Variants in GNB1 observed in about 807,000 individuals in gnomAD.
GNB1 encodes G protein subunit beta 1.
Under a neutral mutation model 42.9 loss-of-function variants are expected in GNB1, and 2 were observed. That is an observed-to-expected ratio of 0.05 (90% CI 0.02 to 0.15). The LOEUF (loss-of-function observed/expected upper bound fraction) is 0.15. Ranked by LOEUF, GNB1 falls within the 10% of genes least tolerant of loss-of-function variation. The pLI is 1.00. For synonymous variants in GNB1, 183 were observed against 174.7 expected, an observed-to-expected ratio of 1.05 and a Z score of -0.38; for missense variants, 193 against 462.2, an observed-to-expected ratio of 0.42 and a Z score of 5.34.
chr1:1,789,331 G>A, intron 9 of GNB1, 62 bp from the exon 10 acceptor site: 1 of 928,646 alleles, frequency 1.1e-6, no homozygotes, highest in South Asian at 1.4e-5. Context: ...TTGGGAATAT[G>A]GATTGCTCAA....
At chr1:1,819,075 G>A (rs1233501982) in intron 3 of GNB1, among the ~76,000 whole-genome samples, 7 of 151,938 alleles carry the variant, frequency 4.6e-5, no homozygotes, top group African/African-American at 1.7e-4. Context: ...TCATTACTAA[G>A]GGATCAAAGT....
In GNB1 at chr1:1,820,357, A is replaced by T. The variant is rs1375287066; in HGVS notation, c.58-2482T>A. 2.7e-4 allele frequency among the ~76,000 whole-genome samples: 9 copies of T among 33,642 alleles called. No individual in the cohort carries two copies. In the East Asian group the frequency reaches 3.1e-3, roughly 11 times the overall value. The allele number at this position is 33,642 out of a possible 152,430, so 22.1% of individuals were successfully genotyped here. The stretch of plus-strand genomic sequence containing the variant: ...CGGGCAACAGAGCGAGACTCTGTTT[A>T]AAAAAAAAAAAAAAAAAAAAAAAGG... On this transcript the variant is annotated intron_variant, in intron 3 of 11. Transcript: ENST00000378609.
At chr1:1,791,791 TAA>T (rs1256144640) in intron 8 of GNB1, among the ~76,000 whole-genome samples, 3 of 152,152 alleles carry the variant, frequency 2.0e-5, no homozygotes, top group Non-Finnish European at 4.4e-5. Context: ...GCAAGATACG[TAA>T]AAGAGTCTGA....
intron 2 of GNB1, among the ~76,000 whole-genome samples, chr1:1,831,263 G>A (rs542581405): frequency 6.6e-6 from 1 of 152,212 alleles, no homozygotes; most frequent in South Asian, 2.1e-4. Context: ...CTTGAGTCCA[G>A]GAGTTCAAGG....
At chr1:1,821,201 T>C (rs182267859) in intron 3 of GNB1, among the ~76,000 whole-genome samples, 106 of 152,314 alleles carry the variant, frequency 7.0e-4, no homozygotes, top group African/African-American at 2.3e-3. Flanking sequence ...CGGGCATCCA[T>C]TGCAGCTGCC....
intron 1 of GNB1, among the ~76,000 whole-genome samples, chr1:1,882,342 C>T (rs1326421965): frequency 2.0e-5 from 3 of 147,048 alleles, no homozygotes; most frequent in Admixed American, 7.0e-5. Context: ...GCAGGAGAAG[C>T]GCCTGAACCT....
chr1:1,823,278 A>G (rs570000845), intron 3 of GNB1, among the ~76,000 whole-genome samples: 5 of 150,574 alleles, frequency 3.3e-5, no homozygotes, highest in Admixed American at 1.3e-4. Flanking sequence ...TCTGATTTCT[A>G]TAAGATGAAA....
chr1:1,854,222 TAGA>T (rs1648143969), intron 1 of GNB1, among the ~76,000 whole-genome samples: 1 of 152,160 alleles, frequency 6.6e-6, no homozygotes, highest in Admixed American at 6.6e-5. Context: ...AGGTCTCTCT[TAGA>T]AGGTGGCCAG....
chr1:1,841,593 T>C (rs1279634304), intron 1 of GNB1, among the ~76,000 whole-genome samples: 2 of 152,238 alleles, frequency 1.3e-5, no homozygotes, highest in Non-Finnish European at 2.9e-5. Flanking sequence ...TTCAGTGTCT[T>C]GTGAGTCTGC....
At chr1:1,873,024 A>G (rs1649333443) in intron 1 of GNB1, among the ~76,000 whole-genome samples, 3 of 151,228 alleles carry the variant, frequency 2.0e-5, no homozygotes, top group South Asian at 2.1e-4. Context: ...ACCAGAGTCT[A>G]TCTCCTACTC....
Position 1,888,567 on chromosome 1 carries a change from G to C in GNB1, c.-96+2253C>G, listed in dbSNP as rs1650286295. ...AGTTCTGCCTTACCGGCTGGGCGCG[G>C]TGGCTCACGCTCGTAATCCCAGCAC... is the stretch of plus-strand genomic sequence containing the variant. On this transcript the variant is annotated intron_variant, in intron 1 of 11. Transcript: ENST00000378609. Among the ~76,000 whole-genome samples, 3 of 152,182 alleles carry C rather than the reference G, an allele frequency of 2.0e-5. No individual in the cohort carries two copies. The South Asian group carries it at 6.2e-4, about 32-fold the overall frequency.
chr1:1,878,664 CTT>C (rs1304638924), intron 1 of GNB1, among the ~76,000 whole-genome samples: 1 of 152,234 alleles, frequency 6.6e-6, no homozygotes, highest in East Asian at 1.9e-4. Context: ...GTTGGCATCT[CTT>C]ATTCACTGCC....
chr1:1,873,632 T>C (rs1401967046), intron 1 of GNB1, among the ~76,000 whole-genome samples: 3 of 152,326 alleles, frequency 2.0e-5, no homozygotes, highest in South Asian at 4.1e-4. Flanking sequence ...GCGCCGAGAC[T>C]GGACGCAGTG....
At chr1:1,855,528 C>T (rs1183040455) in intron 1 of GNB1, among the ~76,000 whole-genome samples, 3 of 151,678 alleles carry the variant, frequency 2.0e-5, no homozygotes, top group African/African-American at 4.8e-5. Context: ...AGTGAAACCC[C>T]ATCTCTACTA....
chr1:1,798,759 G>A (rs1646581179), intron 7 of GNB1, among the ~76,000 whole-genome samples: 1 of 152,170 alleles, frequency 6.6e-6, no homozygotes, highest in Non-Finnish European at 1.5e-5. Context: ...CTGGAGTGTA[G>A]TGGAGCGATC....
chr1:1,831,336 C>T (rs564737264), intron 2 of GNB1, among the ~76,000 whole-genome samples: 22 of 152,138 alleles, frequency 1.4e-4, no homozygotes, highest in African/African-American at 5.1e-4. Context: ...GATCCTGTCT[C>T]TAAATAGTTA....
chr1:1,887,740 C>G (rs1379126777), intron 1 of GNB1, among the ~76,000 whole-genome samples: 10 of 152,276 alleles, frequency 6.6e-5, no homozygotes, highest in African/African-American at 2.2e-4. Flanking sequence ...CTAAACCTCC[C>G]GAGTAGCTGG....
chr1:1,858,493 T>C (rs1424386238), intron 1 of GNB1, among the ~76,000 whole-genome samples: 13 of 152,080 alleles, frequency 8.5e-5, no homozygotes, highest in Admixed American at 5.9e-4. Context: ...CCCCGAAGAC[T>C]TAATTTTGAT....
intron 7 of GNB1, among the ~76,000 whole-genome samples, chr1:1,803,332 T>A (rs1272804861): frequency 1.3e-5 from 2 of 152,212 alleles, no homozygotes; most frequent in African/African-American, 4.8e-5. Flanking sequence ...AGGGTCTCGC[T>A]TTCGCCCAGC....
Sources: gnomAD v4.1 joint callset for allele counts (sites outside exome capture counted in the v4.1 genomes callset) on GRCh38, gnomAD v4.1.1 for gene constraint, MANE v1.5 for transcripts, NCBI Gene and HGNC (gene_info 2026-07-23, HGNC 2026-07-21) for gene names.